ZNF423: variants seen among roughly 807,000 people sequenced by gnomAD.
ZNF423 encodes the protein zinc finger protein 423.
Under a neutral mutation model 95.8 loss-of-function variants are expected in ZNF423, and 12 were observed. The observed-to-expected ratio is 0.13, with a 90% CI of 0.08 to 0.20. The LOEUF (loss-of-function observed/expected upper bound fraction) is 0.20. Among genes scored for constraint, ZNF423 ranks in the 10% least tolerant of loss-of-function variants. The pLI is 1.00. For missense variants in ZNF423, 1,316 were observed against 1,737.1 expected (o/e 0.76, Z 4.31); for synonymous variants, 749 against 711.9 (o/e 1.05, Z -0.83).
At chr16:49,598,081 C>T (rs1254410522) in intron 5 of ZNF423, among the ~76,000 whole-genome samples, 2 of 152,112 alleles carry the variant, frequency 1.3e-5, no homozygotes, top group Non-Finnish European at 2.9e-5. Flanking sequence ...CAACCTCCTT[C>T]CCTGGGTAGT....
intron 7 of ZNF423, among the ~76,000 whole-genome samples, chr16:49,513,717 C>G (rs1210728142): frequency 2.0e-5 from 3 of 152,004 alleles, no homozygotes; most frequent in Admixed American, 6.6e-5. Context: ...CAAAAACTCA[C>G]GTCAGAGTGG....
At chr16:49,577,145 G>T (rs917688842) in intron 5 of ZNF423, among the ~76,000 whole-genome samples, 3 of 152,198 alleles carry the variant, frequency 2.0e-5, no homozygotes, top group African/African-American at 4.8e-5. Context: ...AGCTGGCGTG[G>T]GGGGGTGGGG....
At chr16:49,495,209 C>T (rs1029050718) in intron 7 of ZNF423, among the ~76,000 whole-genome samples, 1 of 152,174 alleles carries the variant, frequency 6.6e-6, no homozygotes, top group African/African-American at 2.4e-5. Context: ...CAATGGTTTG[C>T]AGCCTCAATC....
At chr16:49,734,185 C>T (rs889309066) in intron 2 of ZNF423, among the ~76,000 whole-genome samples, 1 of 152,188 alleles carries the variant, frequency 6.6e-6, no homozygotes, top group African/African-American at 2.4e-5. Flanking sequence ...ATCGGTTGCT[C>T]AGTAAGTCCT....
chr16:49,579,687 G>A (rs1970606156), intron 5 of ZNF423, among the ~76,000 whole-genome samples: 1 of 152,104 alleles, frequency 6.6e-6, no homozygotes, highest in South Asian at 2.1e-4. Flanking sequence ...GGGAGGCAGG[G>A]AATCCAGCCA....
chr16:49,787,551 A>G (rs538744966), intron 2 of ZNF423, among the ~76,000 whole-genome samples: 23 of 152,290 alleles, frequency 1.5e-4, no homozygotes, highest in African/African-American at 5.3e-4. Context: ...CACTACTCCC[A>G]GGCACCCCAG....
At chr16:49,657,264 G>T (rs1349405846) in intron 3 of ZNF423, among the ~76,000 whole-genome samples, 1 of 152,216 alleles carries the variant, frequency 6.6e-6, no homozygotes, top group African/African-American at 2.4e-5. Context: ...TAGCCCCAGG[G>T]TCCCACCCCA....
chr16:49,776,861 A>G (rs535768726), intron 2 of ZNF423, among the ~76,000 whole-genome samples: 1 of 152,342 alleles, frequency 6.6e-6, no homozygotes, highest in East Asian at 1.9e-4. Flanking sequence ...CAATCTGGAC[A>G]TCTTGAACAC....
At chr16:49,643,702 G>A (rs143180280) in intron 3 of ZNF423, among the ~76,000 whole-genome samples, 1 of 152,036 alleles carries the variant, frequency 6.6e-6, no homozygotes, top group Non-Finnish European at 1.5e-5. Flanking sequence ...ACACACACTT[G>A]CAAAATGGAG....
chr16:49,850,124 A>C (rs1298431934), intron 1 of ZNF423, among the ~76,000 whole-genome samples: 1 of 152,224 alleles, frequency 6.6e-6, no homozygotes, highest in Admixed American at 6.5e-5. Flanking sequence ...ATTTTTATTT[A>C]CTGAGTGTAC....
At chr16:49,646,052 T>G (rs1340055563) in intron 3 of ZNF423, among the ~76,000 whole-genome samples, 1 of 152,216 alleles carries the variant, frequency 6.6e-6, no homozygotes, top group Non-Finnish European at 1.5e-5. Context: ...ACTGTAGAAC[T>G]GTGTTGGAGT....
Position 49,503,526 on chromosome 16 carries a change from T to C in ZNF423, c.3850-12222A>G, listed in dbSNP as rs189371065. Among the ~76,000 whole-genome samples the C allele has an allele frequency of 3.0e-3, 459 of 151,636 alleles. 2 individuals are homozygous for C. The highest frequency in any genetic ancestry group is 4.8e-3 in the Non-Finnish European group (326 of 67,872). ...CCAGCAGCACTCCCGCTATCCAGAG[T>C]GTCCCCCACACCCCAGTTTTCCTGG... On this transcript the variant is annotated intron_variant, in intron 7 of 7. Coordinates refer to ENST00000563137, the MANE Select transcript of ZNF423 (RefSeq NM_001379286.1).
chr16:49,567,829 T>C (rs1388377729), intron 5 of ZNF423, among the ~76,000 whole-genome samples: 2 of 152,126 alleles, frequency 1.3e-5, no homozygotes, highest in Non-Finnish European at 2.9e-5. Flanking sequence ...CTCCTGACAT[T>C]CCACTTGACA....
chr16:49,712,400 A>G (rs1390650888), intron 3 of ZNF423, among the ~76,000 whole-genome samples: 1 of 152,122 alleles, frequency 6.6e-6, no homozygotes, highest in East Asian at 1.9e-4. Context: ...GTGCCATTGG[A>G]AAAAAAAGAA....
At chr16:49,640,069 G>A (rs1405058406) in intron 3 of ZNF423, among the ~76,000 whole-genome samples, 3 of 152,100 alleles carry the variant, frequency 2.0e-5, no homozygotes, top group South Asian at 2.1e-4. Flanking sequence ...GCTCAGATTC[G>A]GCTCCGCTGA....
At chr16:49,572,787 C>T (rs1266266064) in intron 5 of ZNF423, among the ~76,000 whole-genome samples, 1 of 152,132 alleles carries the variant, frequency 6.6e-6, no homozygotes, top group Non-Finnish European at 1.5e-5. Context: ...ACAGTGCACA[C>T]TGGAGAGGGA....
At chr16:49,802,097 C>T (rs527995561) in intron 1 of ZNF423, among the ~76,000 whole-genome samples, 1 of 152,204 alleles carries the variant, frequency 6.6e-6, no homozygotes, top group East Asian at 1.9e-4. Flanking sequence ...ATCCTCCCGC[C>T]TCAGCCTCCC....
At chr16:49,815,914 ATTTTTTTT>A (rs58692079) in intron 1 of ZNF423, among the ~76,000 whole-genome samples, 18 of 29,810 alleles carry the variant, frequency 6.0e-4, no homozygotes, top group African/African-American at 2.2e-3. Context: ...ATATATATAT[ATTTTTTTT>A]TTTTTTTTTT....
chr16:49,528,779 G>A (rs1040797957), intron 5 of ZNF423, among the ~76,000 whole-genome samples: 9 of 152,000 alleles, frequency 5.9e-5, no homozygotes, highest in Non-Finnish European at 1.3e-4. Flanking sequence ...GGGCCGGGGA[G>A]GTGGAGAGGG....
Sources: gnomAD v4.1 joint callset for allele counts (sites outside exome capture counted in the v4.1 genomes callset) on GRCh38, gnomAD v4.1.1 for gene constraint, MANE v1.5 for transcripts, NCBI Gene and HGNC (gene_info 2026-07-23, HGNC 2026-07-21) for gene names.